The following ZNF8 variants were observed in gnomAD, a reference collection of about 807,000 sequenced individuals.
ZNF8 encodes zinc finger protein 272.
A neutral mutation model predicts 12.2 loss-of-function variants in ZNF8; 9 were observed. The ratio of observed to expected loss-of-function variants is 0.73; its 90% CI spans 0.44 to 1.28. The LOEUF (loss-of-function observed/expected upper bound fraction) is 1.28, where lower values mean the gene tolerates loss of function less well. Ranked by LOEUF, ZNF8 falls within the 50% of genes most tolerant of loss-of-function variation. ZNF8 has a pLI of 0.00. For missense variants in ZNF8, 664 were observed against 729.1 expected, an observed-to-expected ratio of 0.91 and a Z score of 1.03; for synonymous variants, 274 against 282.3, an observed-to-expected ratio of 0.97 and a Z score of 0.30.
chr19:58,283,899 C>T (rs1037334037), intron 1 of ZNF8, among the ~76,000 whole-genome samples: 3 of 151,794 alleles, frequency 2.0e-5, no homozygotes, highest in Non-Finnish European at 4.4e-5. Flanking sequence ...GCTCCCAGCC[C>T]ACAAATAAAC....
At position 58,295,095 on chromosome 19, in the gene ZNF8, G is replaced by A. The variant is rs1185999111; in HGVS notation, c.1287G>A (p.Gln429=). 3 of 1,614,050 alleles carry A rather than the reference G, an allele frequency of 1.9e-6. No homozygotes were observed. The change falls in exon 4 of 4, where the codon CAG becomes CAA. Residue 429 remains glutamine (Q), a synonymous_variant. Transcript: ENST00000621650. ...GGGAGAAGCCCTTTGAGTGCCGCCA[G>A]AGGCTGATCTTTGAGCAGACGCCAG... ...HAGEKPFECR[Q]RLIFEQTPAL...
At chr19:58,284,181 G>A (rs1010915033) in intron 1 of ZNF8, among the ~76,000 whole-genome samples, 2 of 151,852 alleles carry the variant, frequency 1.3e-5, no homozygotes, top group African/African-American at 4.8e-5. Flanking sequence ...CCAAGATTGT[G>A]CCACTGCACT....
At position 58,300,660 on chromosome 19, in the gene ZNF8, G is replaced by C. The variant is rs2051486430; in HGVS notation, c.*5124G>C. On this transcript the variant is annotated 3_prime_UTR_variant, in exon 4 of 4. Coordinates refer to ENST00000621650, the MANE Select transcript of ZNF8 (RefSeq NM_021089.3). Reference sequence around the variant, plus strand: ...TTCTCTTCAAGCTCTTGGGAGAATTGCTTGTGCTCCCTATTCCCTTGGTGG... The same window carrying C: ...TTCTCTTCAAGCTCTTGGGAGAATTCCTTGTGCTCCCTATTCCCTTGGTGG... 6.6e-6 allele frequency: 1 copy of C among 152,008 alleles called. No individual in the cohort carries two copies. Among genetic ancestry groups the C allele is most frequent in the Admixed American group, 6.5e-5 (1 of 15,270 alleles). 9.4% of individuals were successfully genotyped at this position (152,008 alleles called of 1,614,324 possible).
rs961843396 is a variant in ZNF8, at chr19:58,286,122, C to T, written c.206C>T (p.Pro69Leu). The T allele has an allele frequency of 7.4e-6, 12 of 1,613,920 alleles. No individual in the cohort carries two copies. The African/African-American group carries it at 8.0e-5, about 11-fold the overall frequency. ...GHLLSIGPELPKPEVISQLEQ... is the reference protein window; with the variant it reads ...GHLLSIGPELLKPEVISQLEQ... ...TCCCCATTTCCAGGTCCTGAGCTTC[C>T]GAAGCCTGAAGTCATCTCCCAGCTG... Residue 69 changes from proline (P) to leucine (L), a missense_variant, in exon 3 of 4, where the codon CCG becomes CTG. Coordinates refer to ENST00000621650, the MANE Select transcript of ZNF8 (RefSeq NM_021089.3).
At chr19:58,291,629 A>G (rs1396796139) in intron 3 of ZNF8, among the ~76,000 whole-genome samples, 1 of 152,184 alleles carries the variant, frequency 6.6e-6, no homozygotes, top group African/African-American at 2.4e-5. Context: ...GAATGACAGG[A>G]AAGGCTGAGC....
chr19:58,287,109 G>A (rs893810109), intron 3 of ZNF8, among the ~76,000 whole-genome samples: 2 of 152,078 alleles, frequency 1.3e-5, no homozygotes, highest in African/African-American at 2.4e-5. Flanking sequence ...GCGTAATCAC[G>A]GTTCACTGCA....
rs1756055592 is a variant in ZNF8 at position 58,294,349 on chromosome 19, A to T, written c.541A>T (p.Asn181Tyr). 2 of 1,614,028 alleles carry T rather than the reference A, an allele frequency of 1.2e-6. No homozygotes were observed. Among genetic ancestry groups the T allele is most frequent in the African/African-American group, 1.3e-5 (1 of 74,914 alleles). ...CTACAAAACTCTCAGACTCAGGGAAAACTGCGTCCTGAGTTCAAGCCCAAA... is the reference window on the plus strand; with the variant it reads ...CTACAAAACTCTCAGACTCAGGGAATACTGCGTCCTGAGTTCAAGCCCAAA... ...QGYKTLRLRE[N>Y]CVLSSSPNPF... Residue 181 changes from asparagine to tyrosine, a missense_variant, in exon 4 of 4, where the codon AAC becomes TAC. Transcript: ENST00000621650. This position sits in a 1 kb window ranked among gnomAD's most constrained non-coding sequence, Gnocchi z 5.5.
intron 1 of ZNF8, among the ~76,000 whole-genome samples, chr19:58,282,044 T>A (rs2051353435): frequency 6.6e-6 from 1 of 152,178 alleles, no homozygotes; most frequent in South Asian, 2.1e-4. Flanking sequence ...ACCAGGGAGA[T>A]GGAGGTCGCA....
chr19:58,281,033 CAT>C (rs2051347950), intron 1 of ZNF8, among the ~76,000 whole-genome samples: 1 of 152,118 alleles, frequency 6.6e-6, no homozygotes, highest in Admixed American at 6.6e-5. Flanking sequence ...TTCCTTTTAC[CAT>C]ATATAGTAAT....
Position 58,295,292 on chromosome 19 carries a change from C to G in ZNF8, c.1484C>G (p.Pro495Arg). The stretch of plus-strand genomic sequence containing the variant: ...ATAACTCACACCAGAGAGGAGCAGC[C>G]CCATGGGCGAAGCCGGCGGCGTGAA... ...HQITHTREEQ[P>R]HGRSRRREQS... Residue 495 changes from proline to arginine, a missense_variant, in exon 4 of 4, where the codon CCC becomes CGC. Coordinates refer to ENST00000621650, the MANE Select transcript of ZNF8 (RefSeq NM_021089.3). 4.3e-6 allele frequency: 7 copies of G among 1,614,186 alleles called. No individual in the cohort carries two copies. Among genetic ancestry groups the G allele is most frequent in the Non-Finnish European group, 5.9e-6 (7 of 1,180,016 alleles).
Position 58,295,653 on chromosome 19 carries a change from T to A in ZNF8, c.*117T>A. Reference sequence around the variant, plus strand: ...ATGTCATGGGTGACTTCTGACTTTCTAAGGAAATGATGCTTCCCAAGCACC... The same window carrying A: ...ATGTCATGGGTGACTTCTGACTTTCAAAGGAAATGATGCTTCCCAAGCACC... On this transcript the variant is annotated 3_prime_UTR_variant, in exon 4 of 4. Coordinates refer to ENST00000621650, the MANE Select transcript of ZNF8 (RefSeq NM_021089.3). The A allele has an allele frequency of 1.1e-6, 1 of 938,106 alleles. No individual in the cohort carries two copies. The highest frequency in any genetic ancestry group is 1.6e-6 in the Non-Finnish European group (1 of 628,836). The allele number at this position is 938,106 out of a possible 1,614,324, so 58.1% of individuals were successfully genotyped here. A position where few individuals can be genotyped will look rare whatever the true frequency, so the allele number is the denominator to read the frequency against.
At chr19:58,286,524 T>A in intron 3 of ZNF8, 1 of 252,364 alleles carries the variant, frequency 4.0e-6, no homozygotes, top group Non-Finnish European at 7.9e-6. Context: ...CCAGGGAATC[T>A]TGTTAAGAGA....
In ZNF8 at chr19:58,301,722, G is replaced by C. The variant is rs971078601; in HGVS notation, c.*6186G>C. 6.6e-6 allele frequency: 1 copy of C among 152,244 alleles called. No individual in the cohort carries two copies. The highest frequency in any genetic ancestry group is 2.4e-5 in the African/African-American group (1 of 41,438). The allele number at this position is 152,244 out of a possible 1,614,324, so 9.4% of individuals were successfully genotyped here. On this transcript the variant is annotated 3_prime_UTR_variant, in exon 4 of 4. Transcript: ENST00000621650. ...TTATAGCAGCCCCACAGGGTGGTAAGCTGGGATGAAGCAATCAACTGGAAC... is the reference window on the plus strand; with the variant it reads ...TTATAGCAGCCCCACAGGGTGGTAACCTGGGATGAAGCAATCAACTGGAAC...
intron 1 of ZNF8, chr19:58,280,060 T>C (rs907007680): frequency 3.2e-5 from 12 of 369,838 alleles, no homozygotes; most frequent in South Asian, 2.6e-4. Context: ...AAGGAATGAG[T>C]CGTAAGAAAG....
rs1287019999 is a variant in ZNF8 at position 58,295,271 on chromosome 19, C to G, written c.1463C>G (p.Thr488Ser). 1.9e-6 allele frequency: 3 copies of G among 1,614,268 alleles called. No individual in the cohort carries two copies. Among genetic ancestry groups the G allele is most frequent in the Non-Finnish European group, 2.5e-6 (3 of 1,180,044 alleles). The change falls in exon 4 of 4, where the codon ACT becomes AGT. Residue 488 changes from threonine (T) to serine (S), a missense_variant. Physicochemically the swap from Thr to Ser is moderately conservative, Grantham distance 58. Around this residue, in one of 3 missense-constraint regions of ZNF8, gnomAD observed 225 missense variants for 222.0 expected, o/e 1.01. Coordinates refer to ENST00000621650, the MANE Select transcript of ZNF8 (RefSeq NM_021089.3). ...TCTCACCTCATCCGGCACCAGATAA[C>G]TCACACCAGAGAGGAGCAGCCCCAT... ...QSSHLIRHQI[T>S]HTREEQPHGR...
At chr19:58,293,537 C>G (rs1223723559) in intron 3 of ZNF8, among the ~76,000 whole-genome samples, 1 of 152,182 alleles carries the variant, frequency 6.6e-6, no homozygotes, top group East Asian at 1.9e-4. Context: ...AGCGGGAAGC[C>G]TGGCTTATAA....
chr19:58,282,379 A>G (rs1367489878), intron 1 of ZNF8, among the ~76,000 whole-genome samples: 2 of 152,228 alleles, frequency 1.3e-5, no homozygotes, highest in Non-Finnish European at 2.9e-5. Context: ...TATTCTAGAT[A>G]CAAGTCTCTT....
At chr19:58,289,954 GC>G (rs2051407065) in intron 3 of ZNF8, among the ~76,000 whole-genome samples, 1 of 151,726 alleles carries the variant, frequency 6.6e-6, no homozygotes, top group South Asian at 2.1e-4. Flanking sequence ...GTGCCACCAT[GC>G]CCAGCTAATT....
intron 3 of ZNF8, among the ~76,000 whole-genome samples, chr19:58,288,758 G>A (rs1451418975): frequency 6.6e-6 from 1 of 152,178 alleles, no homozygotes; most frequent in South Asian, 2.1e-4. Context: ...AGGGCTTTCT[G>A]ATTCTGCAGA....
Sources: gnomAD v4.1 joint callset for allele counts (sites outside exome capture counted in the v4.1 genomes callset) on GRCh38, gnomAD v4.1.1 for gene constraint, gnomAD v4.1.1 regional missense constraint, Gnocchi (gnomAD v3.1) non-coding constraint, MANE v1.5 for transcripts, NCBI Gene and HGNC (gene_info 2026-07-23, HGNC 2026-07-21) for gene names.